Variants in EML6 observed in about 807,000 individuals in gnomAD.
EML6 encodes EMAP like 6.
Under a neutral mutation model 240.1 loss-of-function variants are expected in EML6, and 154 were observed. The observed-to-expected ratio is 0.64, with a 90% CI of 0.56 to 0.73. The LOEUF is 0.73. EML6 is among the 30% of genes least tolerant of loss of function. The pLI, the probability that EML6 is intolerant of heterozygous loss-of-function variation, is 0.00. For synonymous variants in EML6, 1,148 were observed against 899.0 expected (o/e 1.28, Z -4.95); for missense variants, 2,964 against 2,474.6 (o/e 1.20, Z -4.20).
In EML6 at chr2:54,758,499, C is replaced by T. The variant is rs773427608; in HGVS notation, c.197+33241C>T. ...GCTTCACTGTCTCTTACTAATCTCT[C>T]AGATCTCTGTTTAGAAGTGATTTTC... On this transcript the variant is annotated intron_variant, in intron 2 of 41. Coordinates refer to ENST00000356458, the MANE Select transcript of EML6 (RefSeq NM_001039753.4). Among the ~76,000 whole-genome samples, 165 of 152,312 alleles carry T rather than the reference C, an allele frequency of 1.1e-3. No homozygotes were observed. The Middle Eastern group carries it at 0.014, about 13-fold the overall frequency.
chr2:54,767,512 CTA>C (rs550677058), intron 2 of EML6, among the ~76,000 whole-genome samples: 2 of 151,688 alleles, frequency 1.3e-5, no homozygotes, highest in Non-Finnish European at 2.9e-5. Context: ...TTTATTTCTA[CTA>C]TGTCTATTGC....
At chr2:54,908,495 T>C (rs1193686559) in intron 24 of EML6, among the ~76,000 whole-genome samples, 1 of 152,160 alleles carries the variant, frequency 6.6e-6, no homozygotes, top group Admixed American at 6.5e-5. Flanking sequence ...GGAGATATTT[T>C]ATAGAATCCA....
rs1258410496 is a variant in EML6, at chr2:54,894,904, T to G, written c.2743-11T>G. ...ATGTGTATATAATACCTCTCATGTGTGCCTTCACAGGGCTTTGTAACAGGT... is the reference window on the plus strand; with the variant it reads ...ATGTGTATATAATACCTCTCATGTGGGCCTTCACAGGGCTTTGTAACAGGT... On this transcript the variant is annotated splice_polypyrimidine_tract_variant and intron_variant, in intron 19 of 41. Coordinates refer to ENST00000356458, the MANE Select transcript of EML6 (RefSeq NM_001039753.4). 2 of 1,538,482 alleles carry G rather than the reference T, an allele frequency of 1.3e-6. No homozygotes were observed. The highest frequency in any genetic ancestry group is 2.4e-5 in the South Asian group (2 of 83,720).
rs751373435 is a variant in EML6 at position 54,767,624 on chromosome 2, GTGTGTGTA to G, written c.197+42374_197+42381del. Among the ~76,000 whole-genome samples the G allele has an allele frequency of 9.2e-3, 1,320 of 143,908 alleles. 7 individuals are homozygous for G. The highest frequency in any genetic ancestry group is 0.016 in the Non-Finnish European group (1,020 of 64,892). 94.4% of individuals were successfully genotyped at this position (143,908 alleles called of 152,430 possible). A position where few individuals can be genotyped will look rare whatever the true frequency, so the allele number is the denominator to read the frequency against. ...TGTGTGTGTGTGTGTGTGTGTGTGT[GTGTGTGTA>G]TGTGTGTGTGTGTATGTTGCAAAAA... On this transcript the variant is annotated intron_variant, in intron 2 of 41. Transcript: ENST00000356458.
In EML6 at chr2:54,953,991, C is replaced by T. The variant is rs372961272; in HGVS notation, c.4321C>T (p.Pro1441Ser). The T allele has an allele frequency of 4.0e-5, 62 of 1,550,966 alleles. No homozygotes were observed. The highest frequency in any genetic ancestry group is 6.8e-5 in the African/African-American group (5 of 73,022). ...TGCCTCTCCACACTCAGGGACAACA[C>T]CTTCCATCCACATATGGGACGCCAT... ...VVATSQIGTTPSIHIWDAMTK... is the reference protein window; with the variant it reads ...VVATSQIGTTSSIHIWDAMTK... The change falls in exon 32 of 42, where the codon CCT (proline) becomes TCT (serine). Residue 1441 changes from proline to serine, a missense_variant. Coordinates refer to ENST00000356458, the MANE Select transcript of EML6 (RefSeq NM_001039753.4).
intron 22 of EML6, among the ~76,000 whole-genome samples, chr2:54,901,336 G>C (rs916303512): frequency 4.6e-5 from 7 of 152,172 alleles, no homozygotes; most frequent in African/African-American, 1.7e-4. Flanking sequence ...ATTGGTAAAT[G>C]GTGGAGGCAG....
intron 26 of EML6, among the ~76,000 whole-genome samples, chr2:54,923,755 C>T (rs1674391287): frequency 6.6e-6 from 1 of 152,116 alleles, no homozygotes; most frequent in Non-Finnish European, 1.5e-5. Context: ...ACGCCATTGC[C>T]ACCCCAGGCT....
chr2:54,962,728 C>A lies in EML6; in HGVS notation c.5157+17C>A. ...GCTGACAAGGTGAGGCCGACTCTGC[C>A]CAAACTCAGATGCCCACGAGTGGGC... is the stretch of plus-strand genomic sequence containing the variant. On this transcript the variant is annotated intron_variant, in intron 36 of 41. Coordinates refer to ENST00000356458, the MANE Select transcript of EML6 (RefSeq NM_001039753.4). 6.9e-7 allele frequency: 1 copy of A among 1,453,028 alleles called. No individual in the cohort carries two copies. The highest frequency in any genetic ancestry group is 9.1e-7 in the Non-Finnish European group (1 of 1,099,202). The allele number at this position is 1,453,028 out of a possible 1,614,324, so 90.0% of individuals were successfully genotyped here. A position where few individuals can be genotyped will look rare whatever the true frequency, so the allele number is the denominator to read the frequency against.
At chr2:54,800,272 G>T (rs1670060449) in intron 2 of EML6, among the ~76,000 whole-genome samples, 1 of 152,128 alleles carries the variant, frequency 6.6e-6, no homozygotes, top group African/African-American at 2.4e-5. Flanking sequence ...GGAGGAGTTG[G>T]ATTGAATGAG....
At position 54,960,351 on chromosome 2, in the gene EML6, C is replaced by A. The variant is rs1341600476; in HGVS notation, c.4968+17C>A. 39 of 1,534,276 alleles carry A rather than the reference C, an allele frequency of 2.5e-5. No individual in the cohort carries two copies. Among genetic ancestry groups the A allele is most frequent in the Non-Finnish European group, 3.4e-5 (39 of 1,134,786 alleles). ...CGTGGAAAAGTGAGCACAGCCAGCT[C>A]CCCTGGGGGCTGGGCCAGGGAAGGG... On this transcript the variant is annotated intron_variant, in intron 35 of 41. Coordinates refer to ENST00000356458, the MANE Select transcript of EML6 (RefSeq NM_001039753.4).
At chr2:54,751,555 A>G (rs1684164827) in intron 2 of EML6, among the ~76,000 whole-genome samples, 1 of 152,162 alleles carries the variant, frequency 6.6e-6, no homozygotes, top group African/African-American at 2.4e-5. Context: ...GGAAGGACAA[A>G]TGCTCCGCAG....
chr2:54,801,697 A>C (rs1208639323), intron 2 of EML6, among the ~76,000 whole-genome samples: 1 of 146,918 alleles, frequency 6.8e-6, no homozygotes, highest in African/African-American at 2.4e-5. Context: ...ATTTCCATTT[A>C]ATGATTTTCT....
rs768070109 is a variant in EML6 at position 54,853,838 on chromosome 2, T to A, written c.1640T>A (p.Phe547Tyr). Residue 547 changes from phenylalanine (F) to tyrosine (Y), a missense_variant, in exon 11 of 42, where the codon TTT (phenylalanine) becomes TAT (tyrosine). Phe to Tyr is a conservative substitution (Grantham distance 22). Transcript: ENST00000356458. ...DDFGLVKLFK[F>Y]PCLKRGAKFR... ...TTTGGACTGGTTAAATTGTTTAAAT[T>A]TCCTTGTCTCAAGAGAGGTAAGGCC... 60 of 1,551,106 alleles carry A rather than the reference T, an allele frequency of 3.9e-5. No individual in the cohort carries two copies. The highest frequency in any genetic ancestry group is 3.9e-5 in the Non-Finnish European group (45 of 1,146,650).
intron 23 of EML6, 62 bp from the exon 24 acceptor site, chr2:54,903,296 TTTAAAATACTAAG>T: frequency 2.0e-6 from 3 of 1,528,004 alleles, no homozygotes; most frequent in Non-Finnish European, 2.6e-6. Flanking sequence ...TTTTCCCACT[TTTAAAATACTAAG>T]TTCCTGGAAG....
intron 2 of EML6, among the ~76,000 whole-genome samples, chr2:54,794,609 GA>G (rs763170789): frequency 1.3e-5 from 2 of 152,028 alleles, no homozygotes; most frequent in Non-Finnish European, 2.9e-5. Flanking sequence ...TTTTTTCTAG[GA>G]AAACTTATCT....
chr2:54,829,396 G>A lies in EML6; in HGVS notation c.766G>A (p.Asp256Asn). The A allele has an allele frequency of 1.9e-6, 3 of 1,551,830 alleles. No homozygotes were observed. Among genetic ancestry groups the A allele is most frequent in the Non-Finnish European group, 2.6e-6 (3 of 1,146,876 alleles). Residue 256 changes from aspartate to asparagine, a missense_variant, in exon 7 of 42, where the codon GAT (aspartate) becomes AAT (asparagine). Transcript: ENST00000356458. The stretch of plus-strand genomic sequence containing the variant: ...AGAAGGCTTTGCCACTGGTGGGCGA[G>A]ATGGGTGTATACGACTGTGGGACAC... Reference protein sequence around the residue: ...CEEGFATGGRDGCIRLWDTDF... With the variant: ...CEEGFATGGRNGCIRLWDTDF...
chr2:54,841,830 C>CG (rs35736256), intron 7 of EML6, among the ~76,000 whole-genome samples: 13,116 of 152,000 alleles, frequency 0.086, 1,827 homozygotes, highest in African/African-American at 0.29. Flanking sequence ...TGGCCTCAAG[C>CG]GATCTGCCTG....
chr2:54,967,614 G>C (rs1016437579), intron 39 of EML6, among the ~76,000 whole-genome samples: 11 of 152,190 alleles, frequency 7.2e-5, no homozygotes, highest in Admixed American at 5.2e-4. Flanking sequence ...TGTTTTTGGA[G>C]TGTAGGGAAC....
At chr2:54,944,770 C>T (rs1393352360) in intron 28 of EML6, among the ~76,000 whole-genome samples, 1 of 152,048 alleles carries the variant, frequency 6.6e-6, no homozygotes, top group Non-Finnish European at 1.5e-5. Flanking sequence ...CACTAAGTAT[C>T]TCTGTACATG....
Sources: allele counts gnomAD v4.1 joint callset (sites outside exome capture counted in the v4.1 genomes callset), GRCh38; gene constraint gnomAD v4.1.1; transcripts MANE v1.5; gene names NCBI Gene and HGNC (gene_info 2026-07-23, HGNC 2026-07-21).